The following PLCD1 variants were observed in gnomAD, a reference collection of about 807,000 sequenced individuals.
PLCD1 encodes the protein phospholipase C delta 1, also known as 1-phosphatidylinositol 4,5-bisphosphate phosphodiesterase delta-1.
In PLCD1, 71 loss-of-function variants were observed where a neutral mutation model predicts 87.4. The ratio of observed to expected loss-of-function variants is 0.81; its 90% CI spans 0.67 to 0.99. PLCD1 has a LOEUF of 0.99. PLCD1 is among the 50% of genes least tolerant of loss of function. PLCD1 has a pLI of 0.00. For missense variants in PLCD1, 867 were observed against 1,001.5 expected, an observed-to-expected ratio of 0.87 and a Z score of 1.81; for synonymous variants, 348 against 399.2, an observed-to-expected ratio of 0.87 and a Z score of 1.53.
At position 38,011,432 on chromosome 3, in the gene PLCD1, G is replaced by C; in HGVS notation, c.572C>G (p.Ser191Cys). Residue 191 changes from serine to cysteine, a missense_variant, in exon 5 of 15, where the codon TCC becomes TGC. Coordinates refer to ENST00000334661, the MANE Select transcript of PLCD1 (RefSeq NM_006225.4). ...CTCGTCCTCCAGGGAGTCTGTCTGG[G>C]AGTGGTCACACTCCTGCAGAGCCAG... ...ARKIFRECDH[S>C]QTDSLEDEEI... 2 of 1,613,978 alleles carry C rather than the reference G, an allele frequency of 1.2e-6. No individual in the cohort carries two copies. Among genetic ancestry groups the C allele is most frequent in the Non-Finnish European group, 8.5e-7 (1 of 1,179,844 alleles).
In PLCD1 at chr3:38,016,518, G is replaced by A; in HGVS notation, c.401C>T (p.Ser134Phe). Reference sequence around the variant, plus strand: ...CTGTAGCTTCTGACGCTGGTCCATGGAGCCTGAGTGGTGGATGATCTTGTG... The same window carrying A: ...CTGTAGCTTCTGACGCTGGTCCATGAAGCCTGAGTGGTGGATGATCTTGTG... ...GLHKIIHHSG[S>F]MDQRQKLQHW... Residue 134 changes from serine to phenylalanine, a missense_variant, in exon 3 of 15, where the codon TCC becomes TTC. By Grantham distance (155) the Ser-to-Phe change is radical. Coordinates refer to ENST00000334661, the MANE Select transcript of PLCD1 (RefSeq NM_006225.4). 6.2e-7 allele frequency: 1 copy of A among 1,613,814 alleles called. No individual in the cohort carries two copies. The highest frequency in any genetic ancestry group is 8.5e-7 in the Non-Finnish European group (1 of 1,179,740).
chr3:38,024,333 T>C, intron 1 of PLCD1: 2 of 1,612,220 alleles, frequency 1.2e-6, no homozygotes, highest in Non-Finnish European at 1.7e-6. Context: ...TCTGCGCCCC[T>C]TACCCAGCCT....
rs530192224 is a variant in PLCD1, at chr3:38,015,158, T to C, written c.428+1333A>G. Among the ~76,000 whole-genome samples the C allele has an allele frequency of 2.6e-5, 4 of 152,330 alleles. 1 individual carries two copies. Among genetic ancestry groups the C allele is most frequent in the African/African-American group, 9.6e-5 (4 of 41,574 alleles). On this transcript the variant is annotated intron_variant, in intron 3 of 14. Coordinates refer to ENST00000334661, the MANE Select transcript of PLCD1 (RefSeq NM_006225.4). ...TATACACGAATGTTAATATCAGCAT[T>C]CTTCATAAAAGCCCCAAAGTGGAAA...
chr3:38,024,413 C>T (rs1700278548), intron 1 of PLCD1: 2 of 1,612,364 alleles, frequency 1.2e-6, no homozygotes, highest in Non-Finnish European at 1.7e-6. Context: ...GGCTCCGGCT[C>T]CGGATCCCCA....
chr3:38,024,784 A>AGGTGCCGGGCCCCGCGGAGGC, intron 1 of PLCD1: 1 of 1,271,860 alleles, frequency 7.9e-7, no homozygotes, highest in Non-Finnish European at 1.0e-6. Flanking sequence ...CGGGACGAGA[A>AGGTGCCGGGCCCCGCGGAGGC]GAAAATCTGG....
At position 38,008,014 on chromosome 3, in the gene PLCD1, C is replaced by T. The variant is rs1699991704; in HGVS notation, c.2185G>A (p.Gly729Arg). 2.5e-6 allele frequency: 4 copies of T among 1,614,212 alleles called. No homozygotes were observed. The highest frequency in any genetic ancestry group is 3.4e-6 in the Non-Finnish European group (4 of 1,180,036). ...STIPLNSLKQ[G>R]YRHVHLMSKN... ...GCCATCCCCTTCTCTTGACACTCAC[C>T]TTGCTTGAGGCTGTTCAAGGGGATG... Residue 729 changes from glycine to arginine, a missense_variant and splice_region_variant, in exon 14 of 15, where the codon GGA becomes AGA. By Grantham distance (125) the Gly-to-Arg change is moderately radical. Coordinates refer to ENST00000334661, the MANE Select transcript of PLCD1 (RefSeq NM_006225.4).
At chr3:38,011,695 A>T (rs2125545031) in intron 3 of PLCD1, 22 bp from the exon 4 acceptor site, 2 of 1,613,906 alleles carry the variant, frequency 1.2e-6, no homozygotes, top group East Asian at 4.5e-5. Flanking sequence ...GTAAGGAAAG[A>T]ACCCAGGAAC....
chr3:38,021,883 C>G (rs1349372176), intron 1 of PLCD1, among the ~76,000 whole-genome samples: 1 of 152,152 alleles, frequency 6.6e-6, no homozygotes, highest in East Asian at 1.9e-4. Flanking sequence ...TATCCATACC[C>G]CCTCCCCCAG....
chr3:38,012,496 C>A (rs1015722004), intron 3 of PLCD1, among the ~76,000 whole-genome samples: 14 of 150,794 alleles, frequency 9.3e-5, no homozygotes, highest in Non-Finnish European at 1.2e-4. Context: ...ATTTGGAAAA[C>A]ATATATATGT....
intron 1 of PLCD1, among the ~76,000 whole-genome samples, chr3:38,023,743 A>G (rs1411889837): frequency 6.6e-6 from 1 of 151,838 alleles, no homozygotes; most frequent in South Asian, 2.1e-4. Context: ...ATACAGTCAC[A>G]CTCAGTTGAA....
rs1700218184 is a variant in PLCD1, at chr3:38,020,478, T to G, written c.35-126A>C. On this transcript the variant is annotated intron_variant, in intron 1 of 14. Transcript: ENST00000334661. ...TTTTCACCAGCCTCATCCTCAGCTC[T>G]GTTTACTCCTCCCTCCTCCACCCAT... 3.4e-6 allele frequency: 3 copies of G among 875,924 alleles called. No individual in the cohort carries two copies. The South Asian group carries it at 4.1e-5, about 12-fold the overall frequency. The allele number at this position is 875,924 out of a possible 1,614,324, so 54.3% of individuals were successfully genotyped here.
At chr3:38,011,965 C>T (rs556138796) in intron 3 of PLCD1, among the ~76,000 whole-genome samples, 79 of 152,092 alleles carry the variant, frequency 5.2e-4, no homozygotes, top group Non-Finnish European at 1.0e-3. Flanking sequence ...ACAAATCTCC[C>T]GTAGTCTATC....
Position 38,009,079 on chromosome 3 carries a change from G to A in PLCD1, c.1686C>T (p.Tyr562=). The part of the protein sequence containing the change: ...PAGWRTDSSN[Y]SPVEMWNGGC... ...CCCCATTCCACATCTCCACGGGGCT[G>A]TAGTTGGAGGAGTCTGTTCTCCATC... The change falls in exon 11 of 15, where the codon TAC becomes TAT. Residue 562 remains tyrosine, a synonymous_variant. Coordinates refer to ENST00000334661, the MANE Select transcript of PLCD1 (RefSeq NM_006225.4). 1 of 1,613,784 alleles carries A rather than the reference G, an allele frequency of 6.2e-7. No homozygotes were observed. Among genetic ancestry groups the A allele is most frequent in the Non-Finnish European group, 8.5e-7 (1 of 1,179,956 alleles).
rs375487918 is a variant in PLCD1 at position 38,011,054 on chromosome 3, C to T, written c.790+160G>A. 5.9e-5 allele frequency among the ~76,000 whole-genome samples: 9 copies of T among 152,230 alleles called. No individual in the cohort carries two copies. In the East Asian group the frequency reaches 7.7e-4, roughly 13 times the overall value. ...TGCCAGAGCCCTGTCTCTCATCTGC[C>T]GGCTTTCATAGGACCAGAAAGTGTG... On this transcript the variant is annotated intron_variant, in intron 5 of 14. Transcript: ENST00000334661.
At chr3:38,024,837 A>C (rs1700289801) in intron 1 of PLCD1, 3 of 870,418 alleles carry the variant, frequency 3.4e-6, no homozygotes, top group Non-Finnish European at 4.6e-6. Context: ...TGGGCCATCC[A>C]AGAGGGGTGG....
intron 9 of PLCD1, 105 bp from the exon 10 acceptor site, chr3:38,009,536 G>C (rs1013979885): frequency 3.7e-4 from 574 of 1,556,406 alleles, no homozygotes; most frequent in Non-Finnish European, 4.7e-4. Flanking sequence ...GACAGACAGA[G>C]AGAGCGGGGC....
At position 38,007,563 on chromosome 3, in the gene PLCD1, G is replaced by GTGT. The variant is rs934433892; in HGVS notation, c.*207_*209dup. 2 of 697,150 alleles carry GTGT rather than the reference G, an allele frequency of 2.9e-6. No individual in the cohort carries two copies. The highest frequency in any genetic ancestry group is 3.5e-5 in the African/African-American group (2 of 57,110). The allele number at this position is 697,150 out of a possible 1,614,324, so 43.2% of individuals were successfully genotyped here. On this transcript the variant is annotated 3_prime_UTR_variant, in exon 15 of 15. Coordinates refer to ENST00000334661, the MANE Select transcript of PLCD1 (RefSeq NM_006225.4). Reference sequence around the variant, plus strand: ...TGGCCGGAGGGTGGAGAGGGCTGCAGTGTTATTCCTAACGGAATGAAGGAC... The same window carrying GTGT: ...TGGCCGGAGGGTGGAGAGGGCTGCAGTGTTGTTATTCCTAACGGAATGAAGGAC...
chr3:38,023,707 C>T (rs556830356), intron 1 of PLCD1, among the ~76,000 whole-genome samples: 2 of 151,960 alleles, frequency 1.3e-5, no homozygotes, highest in East Asian at 3.9e-4. Flanking sequence ...CTCAGTCACC[C>T]TAGGTCACCC....
At chr3:38,027,879 G>A (rs1425503144) in intron 1 of PLCD1, among the ~76,000 whole-genome samples, 1 of 152,226 alleles carries the variant, frequency 6.6e-6, no homozygotes, top group African/African-American at 2.4e-5. Context: ...GCTAGAAGTG[G>A]CAGGGCCTTC....
Sources: gnomAD v4.1 joint callset for allele counts (sites outside exome capture counted in the v4.1 genomes callset) on GRCh38, gnomAD v4.1.1 for gene constraint, MANE v1.5 for transcripts, NCBI Gene and HGNC (gene_info 2026-07-23, HGNC 2026-07-21) for gene names.